TAFA5: variants seen among roughly 807,000 people sequenced by gnomAD.
The protein encoded by TAFA5 is chemokine-like protein TAFA-5.
In TAFA5, 6 loss-of-function variants were observed where a neutral mutation model predicts 15.3. The observed-to-expected ratio is 0.39, with a 90% CI of 0.21 to 0.77. The LOEUF is 0.77. Ranked by LOEUF, TAFA5 falls within the 30% of genes least tolerant of loss-of-function variation. The pLI, the probability that TAFA5 is intolerant of heterozygous loss-of-function variation, is 0.41. For synonymous variants in TAFA5, 103 were observed against 80.7 expected (o/e 1.28, Z -1.48); for missense variants, 161 against 193.1 (o/e 0.83, Z 0.98).
chr22:48,605,590 A>C (rs1202524023), intron 1 of TAFA5, among the ~76,000 whole-genome samples: 1 of 152,184 alleles, frequency 6.6e-6, no homozygotes, highest in Admixed American at 6.5e-5. Flanking sequence ...TAACAGCCTA[A>C]CTAGGATGCA....
At chr22:48,561,352 T>C (rs912958662) in intron 1 of TAFA5, among the ~76,000 whole-genome samples, 2 of 152,148 alleles carry the variant, frequency 1.3e-5, no homozygotes, top group Non-Finnish European at 2.9e-5. Flanking sequence ...TGCAGGTTTG[T>C]GAATTCCTCA....
intron 1 of TAFA5, among the ~76,000 whole-genome samples, chr22:48,511,562 G>A (rs540138835): frequency 1.3e-5 from 2 of 152,176 alleles, no homozygotes; most frequent in Admixed American, 6.5e-5. Context: ...AGAGGCCCTC[G>A]CCCAGGTCAA....
At chr22:48,494,233 A>G (rs1022690914) in intron 1 of TAFA5, among the ~76,000 whole-genome samples, 16 of 152,242 alleles carry the variant, frequency 1.1e-4, no homozygotes, top group African/African-American at 3.9e-4. Context: ...GGCACTAGAA[A>G]AGGGAAGAAA....
intron 1 of TAFA5, among the ~76,000 whole-genome samples, chr22:48,620,897 G>A (rs866168052): frequency 9.5e-3 from 17 of 1,786 alleles, no homozygotes; most frequent in East Asian, 0.075. Flanking sequence ...CACCCACCCA[G>A]TCTATCCACC....
At chr22:48,618,293 C>T (rs1485249564) in intron 1 of TAFA5, among the ~76,000 whole-genome samples, 4 of 152,198 alleles carry the variant, frequency 2.6e-5, no homozygotes, top group African/African-American at 4.8e-5. Context: ...TCCCCAGGAC[C>T]GAACTGCACC....
chr22:48,626,731 C>CA (rs779845314), intron 1 of TAFA5, among the ~76,000 whole-genome samples: 13 of 152,168 alleles, frequency 8.5e-5, no homozygotes, highest in Non-Finnish European at 1.6e-4. Context: ...ATAGAGTATG[C>CA]ATTTGATGCT....
chr22:48,693,643 G>GCT (rs1057225123), intron 2 of TAFA5, among the ~76,000 whole-genome samples: 1 of 151,994 alleles, frequency 6.6e-6, no homozygotes, highest in Non-Finnish European at 1.5e-5. Flanking sequence ...CCTTATTCCT[G>GCT]CTCTCTCTCT....
chr22:48,663,442 G>A (rs1431931633), intron 2 of TAFA5, among the ~76,000 whole-genome samples: 1 of 152,184 alleles, frequency 6.6e-6, no homozygotes, highest in Non-Finnish European at 1.5e-5. Flanking sequence ...GCAAAGTGCA[G>A]CAGCCGGCAC....
At chr22:48,708,544 G>A (rs910601904) in intron 3 of TAFA5, among the ~76,000 whole-genome samples, 8 of 152,316 alleles carry the variant, frequency 5.3e-5, no homozygotes, top group South Asian at 4.1e-4. Flanking sequence ...CCTGCAGAGG[G>A]GCAGAGGAGG....
At chr22:48,690,509 G>A (rs1169728403) in intron 2 of TAFA5, among the ~76,000 whole-genome samples, 1 of 152,162 alleles carries the variant, frequency 6.6e-6, no homozygotes, top group African/African-American at 2.4e-5. Flanking sequence ...CCCTCCCACA[G>A]GCTTACAGTG....
intron 2 of TAFA5, among the ~76,000 whole-genome samples, chr22:48,649,507 A>T (rs1334493173): frequency 2.6e-5 from 4 of 152,120 alleles, no homozygotes; most frequent in Non-Finnish European, 5.9e-5. Context: ...CTTATTAAAA[A>T]CATCTATCAA....
At chr22:48,674,037 G>A (rs544824968) in intron 2 of TAFA5, among the ~76,000 whole-genome samples, 4 of 138,198 alleles carry the variant, frequency 2.9e-5, no homozygotes, top group East Asian at 4.3e-4. Context: ...CTCTTCGCCC[G>A]CCTCACATCT....
rs548636539 is a variant in TAFA5 at position 48,682,742 on chromosome 22, C to T, written c.263-24975C>T. On this transcript the variant is annotated intron_variant, in intron 2 of 3. Coordinates refer to ENST00000402357, the MANE Select transcript of TAFA5 (RefSeq NM_001082967.3). The stretch of plus-strand genomic sequence containing the variant: ...AGCACAGTCATTGTCGCTGAATTGA[C>T]GTGTGTCTGGATGAGGCCTTTGCTT... Among the ~76,000 whole-genome samples, 12 of 152,158 alleles carry T rather than the reference C, an allele frequency of 7.9e-5. No homozygotes were observed. The East Asian group carries it at 9.6e-4, about 12-fold the overall frequency.
chr22:48,559,891 G>A lies in TAFA5; in HGVS notation c.112+70187G>A, dbSNP rs188525982. ...TACAACCATCGCCAGAGATGCGGTCGCCGTGCACTGAATCTTTGCGGGGGC... is the reference window on the plus strand; with the variant it reads ...TACAACCATCGCCAGAGATGCGGTCACCGTGCACTGAATCTTTGCGGGGGC... On this transcript the variant is annotated intron_variant, in intron 1 of 3. Transcript: ENST00000402357. Among the ~76,000 whole-genome samples the A allele has an allele frequency of 7.4e-4, 112 of 152,302 alleles. 1 individual carries two copies. The highest frequency in any genetic ancestry group is 2.3e-3 in the African/African-American group (94 of 41,570).
At chr22:48,635,423 G>A (rs1302994098) in intron 1 of TAFA5, among the ~76,000 whole-genome samples, 2 of 152,198 alleles carry the variant, frequency 1.3e-5, no homozygotes, top group Admixed American at 6.5e-5. Flanking sequence ...CTTCCTGGCC[G>A]CCTCTAGCAA....
chr22:48,528,807 T>C (rs1227736169), intron 1 of TAFA5, among the ~76,000 whole-genome samples: 5 of 152,144 alleles, frequency 3.3e-5, no homozygotes, highest in Non-Finnish European at 7.4e-5. Context: ...CCAGGAGCAC[T>C]GGGGGAGAAG....
chr22:48,661,510 T>C (rs1367766424), intron 2 of TAFA5, among the ~76,000 whole-genome samples: 1 of 152,194 alleles, frequency 6.6e-6, no homozygotes, highest in African/African-American at 2.4e-5. Context: ...ATGGCGTGTT[T>C]CCAGTCAGTA....
intron 2 of TAFA5, among the ~76,000 whole-genome samples, chr22:48,658,358 T>C (rs1427604795): frequency 6.6e-6 from 1 of 152,224 alleles, no homozygotes; most frequent in East Asian, 1.9e-4. Flanking sequence ...CCTGCAGCGT[T>C]GCTTGTCCAT....
chr22:48,511,666 G>C (rs1285765276), intron 1 of TAFA5, among the ~76,000 whole-genome samples: 1 of 152,196 alleles, frequency 6.6e-6, no homozygotes, highest in African/African-American at 2.4e-5. Context: ...TCCTAGAAAG[G>C]CATTCTCCAT....
Sources: gnomAD v4.1 joint callset for allele counts (sites outside exome capture counted in the v4.1 genomes callset) on GRCh38, gnomAD v4.1.1 for gene constraint, MANE v1.5 for transcripts, NCBI Gene and HGNC (gene_info 2026-07-23, HGNC 2026-07-21) for gene names.